SH3PXD2A: variants seen among roughly 807,000 people sequenced by gnomAD.
SH3PXD2A encodes the protein SH3 and PX domains 2A.
A neutral mutation model predicts 115.2 loss-of-function variants in SH3PXD2A; 32 were observed. The ratio of observed to expected loss-of-function variants is 0.28; its 90% CI spans 0.21 to 0.37. SH3PXD2A has a LOEUF of 0.37. Among genes scored for constraint, SH3PXD2A ranks in the 10% least tolerant of loss-of-function variants. The probability of loss-of-function intolerance (pLI) is 1.00; values close to 1 mark genes in which losing one functional copy is unlikely to be tolerated. For missense variants in SH3PXD2A, 1,328 were observed against 1,498.7 expected, an observed-to-expected ratio of 0.89 and a Z score of 1.88; for synonymous variants, 610 against 629.1, an observed-to-expected ratio of 0.97 and a Z score of 0.45.
At chr10:103,737,216 C>T (rs74157320) in intron 3 of SH3PXD2A, among the ~76,000 whole-genome samples, 4,708 of 152,254 alleles carry the variant, frequency 0.031, 218 homozygotes, top group African/African-American at 0.1. Context: ...AAACCAGGGT[C>T]CACCTGGTAC....
At chr10:103,763,049 C>A (rs185399359) in intron 3 of SH3PXD2A, among the ~76,000 whole-genome samples, 87 of 152,240 alleles carry the variant, frequency 5.7e-4, no homozygotes, top group Non-Finnish European at 9.4e-4. Flanking sequence ...TACAGGCTGA[C>A]CCTGAACTGA....
intron 2 of SH3PXD2A, among the ~76,000 whole-genome samples, chr10:103,798,170 C>T (rs2039112613): frequency 6.6e-6 from 1 of 152,102 alleles, no homozygotes; most frequent in South Asian, 2.1e-4. Flanking sequence ...CCAACTTGTA[C>T]AGGGGGGAAC....
intron 3 of SH3PXD2A, among the ~76,000 whole-genome samples, chr10:103,744,145 C>T (rs2038474179): frequency 6.6e-6 from 1 of 151,386 alleles, no homozygotes; most frequent in African/African-American, 2.4e-5. Flanking sequence ...ATGGCAGGCC[C>T]CTGCTTGTCT....
intron 3 of SH3PXD2A, among the ~76,000 whole-genome samples, chr10:103,761,583 G>A (rs1564882770): frequency 6.6e-6 from 1 of 152,184 alleles, no homozygotes; most frequent in East Asian, 1.9e-4. Context: ...TAATTACCTC[G>A]GCCACTCAAT....
At chr10:103,752,793 T>C (rs2038593594) in intron 3 of SH3PXD2A, among the ~76,000 whole-genome samples, 1 of 152,234 alleles carries the variant, frequency 6.6e-6, no homozygotes, top group African/African-American at 2.4e-5. Flanking sequence ...GTGATGATTA[T>C]CATTACAGAG....
At chr10:103,842,104 G>A (rs536230756) in intron 1 of SH3PXD2A, among the ~76,000 whole-genome samples, 78 of 132,444 alleles carry the variant, frequency 5.9e-4, no homozygotes, top group Non-Finnish European at 1.1e-3. Flanking sequence ...CAGCCTGGGC[G>A]ACAGAGCGAG....
chr10:103,767,526 G>A (rs771837013), intron 2 of SH3PXD2A, among the ~76,000 whole-genome samples: 3 of 152,122 alleles, frequency 2.0e-5, no homozygotes, highest in East Asian at 1.9e-4. Flanking sequence ...TTCCTACTTC[G>A]TCTGTGGGGT....
At chr10:103,847,888 G>A (rs559305075) in intron 1 of SH3PXD2A, among the ~76,000 whole-genome samples, 10 of 151,918 alleles carry the variant, frequency 6.6e-5, no homozygotes, top group African/African-American at 2.2e-4. Context: ...GCAGTGAACC[G>A]AGATCGCACC....
rs1842930355 is a variant in SH3PXD2A at position 103,855,254 on chromosome 10, A to G, written c.13T>C (p.Cys5Arg). 1 of 1,525,766 alleles carries G rather than the reference A, an allele frequency of 6.6e-7. No homozygotes were observed. Among genetic ancestry groups the G allele is most frequent in the Non-Finnish European group, 8.8e-7 (1 of 1,134,400 alleles). The allele number at this position is 1,525,766 out of a possible 1,614,324, so 94.5% of individuals were successfully genotyped here. The change falls in exon 1 of 15, where the codon TGC becomes CGC. Residue 5 changes from cysteine to arginine, a missense_variant. Physicochemically the swap from Cys to Arg is radical, Grantham distance 180. This residue lies in a region of SH3PXD2A where 110 missense variants were observed against 160.0 expected (regional missense o/e 0.69). Coordinates refer to ENST00000369774, the MANE Select transcript of SH3PXD2A (RefSeq NM_001394015.1). MLAYCVQDATVVDVE... is the reference protein window; with the variant it reads MLAYRVQDATVVDVE... Reference sequence around the variant, plus strand: ...TCCACCACGGTGGCATCCTGCACGCAGTAGGCGAGCATCTTCCCCCACAAA... The same window carrying G: ...TCCACCACGGTGGCATCCTGCACGCGGTAGGCGAGCATCTTCCCCCACAAA...
chr10:103,715,932 G>C (rs1333860307), intron 5 of SH3PXD2A, among the ~76,000 whole-genome samples: 1 of 152,186 alleles, frequency 6.6e-6, no homozygotes, highest in Non-Finnish European at 1.5e-5. Flanking sequence ...CTTCTCCCAG[G>C]CAAATGGCAG....
intron 7 of SH3PXD2A, among the ~76,000 whole-genome samples, chr10:103,663,837 C>G (rs2037346815): frequency 6.6e-6 from 1 of 152,236 alleles, no homozygotes; most frequent in Non-Finnish European, 1.5e-5. Flanking sequence ...CCCTGCAGGC[C>G]CATCTCAGCC....
intron 5 of SH3PXD2A, among the ~76,000 whole-genome samples, chr10:103,713,393 C>A (rs1339574895): frequency 6.6e-6 from 1 of 152,198 alleles, no homozygotes; most frequent in Non-Finnish European, 1.5e-5. Flanking sequence ...CCCAGAGACC[C>A]CTAGGTTCTG....
intron 13 of SH3PXD2A, among the ~76,000 whole-genome samples, chr10:103,607,554 GC>G (rs1011597176): frequency 6.6e-6 from 1 of 151,634 alleles, no homozygotes; most frequent in Non-Finnish European, 1.5e-5. Flanking sequence ...TGCCCGGCCA[GC>G]CGCCCCGTCC....
chr10:103,624,273 C>A (rs1302864360), intron 9 of SH3PXD2A, among the ~76,000 whole-genome samples: 1 of 152,236 alleles, frequency 6.6e-6, no homozygotes, highest in African/African-American at 2.4e-5. Flanking sequence ...TTTGGTACAG[C>A]AGCACAGAAG....
Position 103,602,668 on chromosome 10 carries a change from GGC to G in SH3PXD2A, c.2548_2549del (p.Ala850LeufsTer48), listed in dbSNP as rs767426809. On this transcript the variant is annotated frameshift_variant, in exon 15 of 15. Transcript: ENST00000369774. LOFTEE classifies it high-confidence loss of function. ...TCTCCGAGTCCTGGACCTTCTGGTA[GGC>G]GCTGCATGTCATGTACGAGGTGGCT... is the stretch of plus-strand genomic sequence containing the variant. ...GPATSYMTCS[A>X]YQKVQDSEIS... 1.2e-6 allele frequency: 2 copies of G among 1,614,202 alleles called. No individual in the cohort carries two copies.
chr10:103,769,134 CTGTGTGTGTGTGTGTGTGTGTG>C lies in SH3PXD2A; in HGVS notation c.154-1987_154-1966del, dbSNP rs67426639. Among the ~76,000 whole-genome samples, 84 of 141,996 alleles carry C rather than the reference CTGTGTGTGTGTGTGTGTGTGTG, an allele frequency of 5.9e-4. 1 individual carries two copies. The highest frequency in any genetic ancestry group is 1.3e-3 in the African/African-American group (51 of 38,068). The allele number at this position is 141,996 out of a possible 152,430, so 93.2% of individuals were successfully genotyped here. A position where few individuals can be genotyped will look rare whatever the true frequency, so the allele number is the denominator to read the frequency against. ...CTATAGCATGGTTCTAGGCTAGACT[CTGTGTGTGTGTGTGTGTGTGTG>C]TGTGTGTGTGTGTGTGTGTGTGTGT... On this transcript the variant is annotated intron_variant, in intron 2 of 14. Transcript: ENST00000369774.
At chr10:103,835,220 C>G (rs1388319455) in intron 1 of SH3PXD2A, among the ~76,000 whole-genome samples, 2 of 152,216 alleles carry the variant, frequency 1.3e-5, no homozygotes, top group South Asian at 4.1e-4. Context: ...GGGAGTAAAT[C>G]CCAAATGCCC....
chr10:103,624,603 A>G (rs2036663069), intron 9 of SH3PXD2A, among the ~76,000 whole-genome samples: 1 of 152,230 alleles, frequency 6.6e-6, no homozygotes, highest in Non-Finnish European at 1.5e-5. Flanking sequence ...CATGATAAGG[A>G]CACACCAGAA....
At chr10:103,764,938 G>A (rs1390002305) in intron 3 of SH3PXD2A, among the ~76,000 whole-genome samples, 3 of 152,064 alleles carry the variant, frequency 2.0e-5, no homozygotes, top group Non-Finnish European at 4.4e-5. Flanking sequence ...TGTAAATTGT[G>A]GTGTAAAATG....
Sources: allele counts gnomAD v4.1 joint callset (sites outside exome capture counted in the v4.1 genomes callset), GRCh38; gene constraint gnomAD v4.1.1; regional missense constraint gnomAD v4.1.1; transcripts MANE v1.5; gene names NCBI Gene and HGNC (gene_info 2026-07-23, HGNC 2026-07-21).